The following ELF2 variants were observed in gnomAD, a reference collection of about 807,000 sequenced individuals.
The protein encoded by ELF2 is ETS-related transcription factor Elf-2.
Under a neutral mutation model 54.8 loss-of-function variants are expected in ELF2, and 11 were observed. That is an observed-to-expected ratio of 0.20 (90% CI 0.13 to 0.33). The LOEUF is 0.33. Among genes scored for constraint, ELF2 ranks in the 10% least tolerant of loss-of-function variants. The pLI, the probability that ELF2 is intolerant of heterozygous loss-of-function variation, is 1.00. For missense variants in ELF2, 513 were observed against 703.0 expected (o/e 0.73, Z 3.06); for synonymous variants, 203 against 245.1 (o/e 0.83, Z 1.61).
Position 139,071,942 on chromosome 4 carries a change from A to C in ELF2, c.450T>G (p.Thr150=). 1 of 1,613,958 alleles carries C rather than the reference A, an allele frequency of 6.2e-7. No homozygotes were observed. Among genetic ancestry groups the C allele is most frequent in the Middle Eastern group, 1.7e-4 (1 of 6,056 alleles). The part of the protein sequence containing the change: ...VITETVVEVS[T]EESEPMDTSP... Reference sequence around the variant, plus strand: ...AGGTATCCATGGGTTCAGACTCTTCAGTTGACACCTCCACTACAGTTTCTG... The same window carrying C: ...AGGTATCCATGGGTTCAGACTCTTCCGTTGACACCTCCACTACAGTTTCTG... Residue 150 remains threonine, a synonymous_variant, in exon 6 of 10, where the codon ACT becomes ACG. Transcript: ENST00000686138.
intron 4 of ELF2, among the ~76,000 whole-genome samples, chr4:139,098,111 G>A (rs574367550): frequency 6.6e-6 from 1 of 152,310 alleles, no homozygotes; most frequent in South Asian, 2.1e-4. Context: ...TTTCTATTAG[G>A]TTAGGTACAA....
intron 4 of ELF2, among the ~76,000 whole-genome samples, chr4:139,119,126 T>C (rs1677332583): frequency 6.6e-6 from 1 of 152,268 alleles, no homozygotes; most frequent in Non-Finnish European, 1.5e-5. Context: ...AAACATTCTC[T>C]AAGGTTAATT....
chr4:139,101,193 C>A (rs1733844182), intron 4 of ELF2, among the ~76,000 whole-genome samples: 1 of 152,080 alleles, frequency 6.6e-6, no homozygotes, highest in Non-Finnish European at 1.5e-5. Flanking sequence ...TATTATTAAA[C>A]CTTAGGTTAT....
intron 3 of ELF2, among the ~76,000 whole-genome samples, chr4:139,128,673 C>T (rs1737191476): frequency 6.6e-6 from 1 of 151,754 alleles, no homozygotes; most frequent in African/African-American, 2.4e-5. Context: ...AGGCATGTGC[C>T]ACCACTCCCA....
At position 139,069,786 on chromosome 4, in the gene ELF2, C is replaced by T. The variant is rs142081820; in HGVS notation, c.527-2016G>A. Among the ~76,000 whole-genome samples, 8 of 152,014 alleles carry T rather than the reference C, an allele frequency of 5.3e-5. No homozygotes were observed. In the East Asian group the frequency reaches 1.3e-3, roughly 26 times the overall value. On this transcript the variant is annotated intron_variant, in intron 6 of 9. Coordinates refer to ENST00000686138, the MANE Select transcript of ELF2 (RefSeq NM_001331036.3). ...TACTTAACCACAAAAATATAAATAA[C>T]GATACTCTTATTCTTCATTGTCTCC...
At chr4:139,168,617 C>T (rs1029316107) in intron 1 of ELF2, among the ~76,000 whole-genome samples, 7 of 152,188 alleles carry the variant, frequency 4.6e-5, no homozygotes, top group Non-Finnish European at 1.0e-4. Context: ...ACAAGCACTC[C>T]CTCCAACATG....
intron 8 of ELF2, 87 bp from the exon 9 acceptor site, chr4:139,060,761 T>C: frequency 1.8e-6 from 2 of 1,083,942 alleles, no homozygotes; most frequent in Non-Finnish European, 2.7e-6. Flanking sequence ...ATACAGTGGA[T>C]ACTAACAGAA....
Position 139,105,652 on chromosome 4 carries a change from A to G in ELF2, c.238+19512T>C, listed in dbSNP as rs149556117. ...GTAATCTCAGCACTTTGGGAGGCCA[A>G]TGTGGGAGGATCACTTGAGGCCAGG... is the stretch of plus-strand genomic sequence containing the variant. On this transcript the variant is annotated intron_variant, in intron 4 of 9. Transcript: ENST00000686138. Among the ~76,000 whole-genome samples the G allele has an allele frequency of 6.3e-3, 965 of 152,302 alleles. 12 individuals carry two copies. Among genetic ancestry groups the G allele is most frequent in the African/African-American group, 0.022 (927 of 41,546 alleles).
intron 1 of ELF2, among the ~76,000 whole-genome samples, chr4:139,161,679 AC>A (rs1402827960): frequency 6.8e-4 from 101 of 148,770 alleles, no homozygotes; most frequent in African/African-American, 1.8e-3. Flanking sequence ...AAAAAAAAAA[AC>A]TCTGAGTAGG....
At chr4:139,083,806 G>A (rs574293621) in intron 4 of ELF2, among the ~76,000 whole-genome samples, 2 of 152,236 alleles carry the variant, frequency 1.3e-5, no homozygotes, top group East Asian at 3.9e-4. Context: ...CGCACAACTC[G>A]TCCGCCCCCG....
intron 4 of ELF2, among the ~76,000 whole-genome samples, chr4:139,083,443 G>A (rs1219019829): frequency 6.6e-6 from 1 of 152,180 alleles, no homozygotes; most frequent in Admixed American, 6.5e-5. Flanking sequence ...AGGGAGGCGG[G>A]CCCCTGAAAC....
At chr4:139,176,692 G>A (rs1560902246) in intron 1 of ELF2, among the ~76,000 whole-genome samples, 1 of 151,786 alleles carries the variant, frequency 6.6e-6, no homozygotes, top group Non-Finnish European at 1.5e-5. Flanking sequence ...CCTGCCCCGC[G>A]CCCCGCGCTC....
chr4:139,069,019 A>G (rs1474021272), intron 6 of ELF2, among the ~76,000 whole-genome samples: 1 of 151,950 alleles, frequency 6.6e-6, no homozygotes, highest in African/African-American at 2.4e-5. Flanking sequence ...ACAGGTGTGC[A>G]CCACCACGTC....
intron 3 of ELF2, among the ~76,000 whole-genome samples, chr4:139,129,234 G>A (rs571052999): frequency 7.9e-5 from 12 of 152,012 alleles, no homozygotes; most frequent in East Asian, 5.8e-4. Context: ...GACTACCCCC[G>A]GCCTACCACT....
chr4:139,151,479 T>C (rs1578937343), intron 1 of ELF2, among the ~76,000 whole-genome samples: 1 of 152,236 alleles, frequency 6.6e-6, no homozygotes, highest in East Asian at 1.9e-4. Context: ...ATAAGAAACA[T>C]AGGCAATGCA....
In ELF2 at chr4:139,058,249, A is replaced by G. The variant is rs1205994938; in HGVS notation, c.*734T>C. 1 of 152,218 alleles carries G rather than the reference A, an allele frequency of 6.6e-6. No individual in the cohort carries two copies. Among genetic ancestry groups the G allele is most frequent in the East Asian group, 1.9e-4 (1 of 5,198 alleles). The allele number at this position is 152,218 out of a possible 1,614,324, so 9.4% of individuals were successfully genotyped here. A position where few individuals can be genotyped will look rare whatever the true frequency, so the allele number is the denominator to read the frequency against. ...ATAAAATGTTACATGTATATTCTAT[A>G]ACAATACTGTGCTAGGTACAAGATT... On this transcript the variant is annotated 3_prime_UTR_variant, in exon 10 of 10. Coordinates refer to ENST00000686138, the MANE Select transcript of ELF2 (RefSeq NM_001331036.3).
chr4:139,148,316 A>ATTTTTT lies in ELF2; in HGVS notation c.-251-8825_-251-8820dup, dbSNP rs772079635. On this transcript the variant is annotated intron_variant, in intron 1 of 9. Transcript: ENST00000686138. The stretch of plus-strand genomic sequence containing the variant: ...AGACAGGTGAAGTCATACCTGGCTA[A>ATTTTTT]TTTTTTTTTTTTTTTTTTTTTTTTT... 1.6e-3 allele frequency among the ~76,000 whole-genome samples: 105 copies of ATTTTTT among 64,574 alleles called. 3 individuals are homozygous for ATTTTTT. The highest frequency in any genetic ancestry group is 1.9e-3 in the South Asian group (2 of 1,072). The allele number at this position is 64,574 out of a possible 152,430, so 42.4% of individuals were successfully genotyped here.
rs565379742 is a variant in ELF2 at position 139,143,124 on chromosome 4, C to T, written c.-251-3627G>A. On this transcript the variant is annotated intron_variant, in intron 1 of 9. Coordinates refer to ENST00000686138, the MANE Select transcript of ELF2 (RefSeq NM_001331036.3). ...AAGGCTTACAACCTCCAAGGGAAGGCTTGAACAATAAACTGTGGTTAATTT... is the reference window on the plus strand; with the variant it reads ...AAGGCTTACAACCTCCAAGGGAAGGTTTGAACAATAAACTGTGGTTAATTT... 3.3e-5 allele frequency among the ~76,000 whole-genome samples: 5 copies of T among 152,282 alleles called. No individual in the cohort carries two copies. The East Asian group carries it at 7.7e-4, about 23-fold the overall frequency.
intron 1 of ELF2, among the ~76,000 whole-genome samples, chr4:139,142,627 T>C (rs183002281): frequency 6.7e-4 from 102 of 152,290 alleles, no homozygotes; most frequent in African/African-American, 2.4e-3. Flanking sequence ...GTAATTGCAG[T>C]TTTGCCATTA....
Sources: allele counts gnomAD v4.1 joint callset (sites outside exome capture counted in the v4.1 genomes callset), GRCh38; gene constraint gnomAD v4.1.1; transcripts MANE v1.5; gene names NCBI Gene and HGNC (gene_info 2026-07-23, HGNC 2026-07-21).